The following ADRA1B variants were observed in gnomAD, a reference collection of about 807,000 sequenced individuals.
The protein encoded by ADRA1B is alpha-1B adrenergic receptor.
In ADRA1B, 17 loss-of-function variants were observed where a neutral mutation model predicts 17.9. The ratio of observed to expected loss-of-function variants is 0.95; its 90% CI spans 0.65 to 1.42. The LOEUF is 1.42. ADRA1B is among the 40% of genes most tolerant of loss of function. The pLI is 0.00. For synonymous variants in ADRA1B, 366 were observed against 327.6 expected, an observed-to-expected ratio of 1.12 and a Z score of -1.27; for missense variants, 681 against 722.1, an observed-to-expected ratio of 0.94 and a Z score of 0.65.
At chr5:159,943,253 AAATT>A (rs1755183821) in intron 1 of ADRA1B, among the ~76,000 whole-genome samples, 1 of 152,122 alleles carries the variant, frequency 6.6e-6, no homozygotes, top group African/African-American at 2.4e-5. Context: ...AAAAATAAAT[AAATT>A]AGATCATTTC....
At chr5:159,946,990 TATTTA>T (rs1221390935) in intron 1 of ADRA1B, among the ~76,000 whole-genome samples, 1 of 152,228 alleles carries the variant, frequency 6.6e-6, no homozygotes, top group Admixed American at 6.5e-5. Context: ...TACGTTATCT[TATTTA>T]ATCTTCACAA....
rs1561613370 is a variant in ADRA1B at position 159,972,545 on chromosome 5, G to A, written c.*53G>A. Reference sequence around the variant, plus strand: ...GGGGAGGAAAACATCGTGGGGGGGAGGGGAGGGCGGGGCGGAGGGGGGAGG... The same window carrying A: ...GGGGAGGAAAACATCGTGGGGGGGAAGGGAGGGCGGGGCGGAGGGGGGAGG... On this transcript the variant is annotated 3_prime_UTR_variant, in exon 2 of 2. Coordinates refer to ENST00000306675, the MANE Select transcript of ADRA1B (RefSeq NM_000679.4). The A allele has an allele frequency of 2.0e-6, 2 of 979,638 alleles. No individual in the cohort carries two copies. Among genetic ancestry groups the A allele is most frequent in the South Asian group, 2.6e-5 (1 of 39,122 alleles). The allele number at this position is 979,638 out of a possible 1,614,324, so 60.7% of individuals were successfully genotyped here. A position where few individuals can be genotyped will look rare whatever the true frequency, so the allele number is the denominator to read the frequency against.
chr5:159,950,566 GA>G, intron 1 of ADRA1B: 1 of 1,380,710 alleles, frequency 7.2e-7, no homozygotes, highest in Non-Finnish European at 1.0e-6. Context: ...GTCATACCAG[GA>G]AATGAGCTTG....
At chr5:159,978,042 C>T in the ADRA1B span, among the ~76,000 whole-genome samples, 4 of 152,078 alleles carry the variant, frequency 2.6e-5, no homozygotes, top group Non-Finnish European at 5.9e-5. Context: ...TCCCTATTGC[C>T]CTTTCCCACT....
rs1261942243 is a variant in ADRA1B, at chr5:159,972,727, G to A, written c.*235G>A. 6.6e-6 allele frequency among the ~76,000 whole-genome samples: 1 copy of A among 152,146 alleles called. No individual in the cohort carries two copies. The highest frequency in any genetic ancestry group is 6.5e-5 in the Admixed American group (1 of 15,280). ...AGCCTGGGGGACCCGACGCCGCCGG[G>A]ATTTACCTCTCTCTCTCCCTCTGTG... On this transcript the variant is annotated 3_prime_UTR_variant, in exon 2 of 2. Coordinates refer to ENST00000306675, the MANE Select transcript of ADRA1B (RefSeq NM_000679.4).
At chr5:159,869,087 C>G (rs956108230) in intron 1 of ADRA1B, 3 of 152,170 alleles carry the variant, frequency 2.0e-5, no homozygotes, top group Non-Finnish European at 4.4e-5. Context: ...AAATCGGGCA[C>G]ACATACATAT....
rs925830527 is a variant in ADRA1B, at chr5:159,887,052, A to G, written c.-256+21846A>G. 2.6e-5 allele frequency among the ~76,000 whole-genome samples: 4 copies of G among 152,212 alleles called. No homozygotes were observed. In the South Asian group the frequency reaches 8.3e-4, roughly 32 times the overall value. On this transcript the variant is annotated intron_variant, in intron 1 of 2. Transcript: ENST00000641205. The stretch of plus-strand genomic sequence containing the variant: ...AGATAACGTGTTAATTCTCATGGTC[A>G]AAGATTCTCCTTAGTAACAACTCAA...
At chr5:159,893,452 C>T (rs1416717120) in intron 1 of ADRA1B, among the ~76,000 whole-genome samples, 1 of 152,142 alleles carries the variant, frequency 6.6e-6, no homozygotes, top group Non-Finnish European at 1.5e-5. Context: ...AGGAGGGGCT[C>T]CAAGTGGCAA....
At chr5:159,973,091 C>T (rs1755918367), downstream of ADRA1B, among the ~76,000 whole-genome samples, 1 of 152,210 alleles carries the variant, frequency 6.6e-6, no homozygotes, top group East Asian at 1.9e-4. Flanking sequence ...TTGACCCGGT[C>T]CTAGGTCTTA....
At chr5:159,878,795 A>T (rs1268734114) in intron 1 of ADRA1B, among the ~76,000 whole-genome samples, 1 of 152,230 alleles carries the variant, frequency 6.6e-6, no homozygotes. Flanking sequence ...CTCAAGAACC[A>T]GAACTGTGGG....
intron 1 of ADRA1B, among the ~76,000 whole-genome samples, chr5:159,893,521 A>G (rs1046269955): frequency 2.3e-4 from 35 of 152,252 alleles, no homozygotes; most frequent in African/African-American, 8.4e-4. Flanking sequence ...GTGGAAAACA[A>G]GACATACATG....
intron 1 of ADRA1B, among the ~76,000 whole-genome samples, chr5:159,882,873 G>GGA (rs1189759763): frequency 6.6e-6 from 1 of 152,008 alleles, no homozygotes; most frequent in African/African-American, 2.4e-5. Flanking sequence ...AGAGAGAGAG[G>GGA]GAGAGAGAGA....
chr5:159,971,856 G>GGGGGGCC, intron 1 of ADRA1B, 23 bp from the exon 2 acceptor site: 1 of 1,306,258 alleles, frequency 7.7e-7, no homozygotes, highest in Non-Finnish European at 9.8e-7. Flanking sequence ...TTCTGCCCGT[G>GGGGGGCC]CCCACCCCCC....
intron 1 of ADRA1B, among the ~76,000 whole-genome samples, chr5:159,909,385 C>A (rs1754202055): frequency 6.6e-6 from 1 of 152,136 alleles, no homozygotes; most frequent in South Asian, 2.1e-4. Flanking sequence ...ACACTTTGTC[C>A]AGATACAATT....
At chr5:159,970,951 C>T (rs955093804) in intron 1 of ADRA1B, among the ~76,000 whole-genome samples, 2 of 152,128 alleles carry the variant, frequency 1.3e-5, no homozygotes, top group Admixed American at 6.5e-5. Flanking sequence ...ACTACAGGCA[C>T]GCACCAACAC....
chr5:159,912,648 C>A (rs111816235), upstream of ADRA1B, among the ~76,000 whole-genome samples: 9 of 152,316 alleles, frequency 5.9e-5, no homozygotes, highest in African/African-American at 2.2e-4. Flanking sequence ...AGCTTTGGAG[C>A]CAGACAACAA....
At chr5:159,889,191 T>C (rs1561583218) in intron 1 of ADRA1B, among the ~76,000 whole-genome samples, 1 of 152,176 alleles carries the variant, frequency 6.6e-6, no homozygotes, top group Non-Finnish European at 1.5e-5. Context: ...GTCCAGGACC[T>C]GTGATGCACC....
At chr5:159,890,678 AC>A (rs1753973801) in intron 1 of ADRA1B, among the ~76,000 whole-genome samples, 1 of 152,168 alleles carries the variant, frequency 6.6e-6, no homozygotes, top group Non-Finnish European at 1.5e-5. Flanking sequence ...TACACATGAC[AC>A]CTGGGCTCTA....
At chr5:159,931,206 A>T (rs1014192493) in intron 1 of ADRA1B, among the ~76,000 whole-genome samples, 3 of 113,982 alleles carry the variant, frequency 2.6e-5, no homozygotes, top group Non-Finnish European at 5.6e-5. Flanking sequence ...TCTGGGCAAC[A>T]TAGGGAGACC....
Sources: allele counts gnomAD v4.1 joint callset (sites outside exome capture counted in the v4.1 genomes callset), GRCh38; gene constraint gnomAD v4.1.1; transcripts MANE v1.5; gene names NCBI Gene and HGNC (gene_info 2026-07-23, HGNC 2026-07-21).